Variants in DAAM1 observed in about 807,000 individuals in gnomAD.
DAAM1 encodes disheveled-associated activator of morphogenesis 1.
In DAAM1, 52 loss-of-function variants were observed where a neutral mutation model predicts 130.0. The ratio of observed to expected loss-of-function variants is 0.40; its 90% confidence interval spans 0.32 to 0.50. The LOEUF (loss-of-function observed/expected upper bound fraction) is 0.50. Among genes scored for constraint, DAAM1 ranks in the 20% least tolerant of loss-of-function variants. The pLI, the probability that DAAM1 is intolerant of heterozygous loss-of-function variation, is 0.61. For synonymous variants in DAAM1, 452 were observed against 444.5 expected (o/e 1.02, Z -0.21); for missense variants, 1,134 against 1,303.8 (o/e 0.87, Z 2.01).
At chr14:59,345,652 C>T (rs1424097294) in intron 16 of DAAM1, among the ~76,000 whole-genome samples, 5 of 152,182 alleles carry the variant, frequency 3.3e-5, no homozygotes, top group African/African-American at 1.2e-4. Flanking sequence ...GGCTTCTCTT[C>T]TTTGCTGCCT....
intron 1 of DAAM1, among the ~76,000 whole-genome samples, chr14:59,202,547 G>A (rs1004402954): frequency 2.0e-5 from 3 of 152,140 alleles, no homozygotes; most frequent in Non-Finnish European, 2.9e-5. Context: ...AGTGTTGAGC[G>A]TATACATTTC....
At position 59,286,559 on chromosome 14, in the gene DAAM1, G is replaced by T. The variant is rs183814104; in HGVS notation, c.184-4658G>T. Among the ~76,000 whole-genome samples, 28 of 152,132 alleles carry T rather than the reference G, an allele frequency of 1.8e-4. No homozygotes were observed. The East Asian group carries it at 5.0e-3, about 27-fold the overall frequency. On this transcript the variant is annotated intron_variant, in intron 2 of 24. Transcript: ENST00000360909. ...CTAGATTAATAAGGGAAAAAGCAGA[G>T]AAAATCTAAATAAACACAGTCAGAA...
rs1038082284 is a variant in DAAM1 at position 59,330,273 on chromosome 14, C to T, written c.1373-228C>T. ...TAGAACTGTGAGTGTAGGCTCTCTT[C>T]TTCAGTCTCTTACGTAGTTAATAAT... On this transcript the variant is annotated intron_variant, in intron 12 of 24. Transcript: ENST00000360909. Among the ~76,000 whole-genome samples the T allele has an allele frequency of 1.9e-4, 10 of 52,588 alleles. No homozygotes were observed. In the Admixed American group the frequency reaches 2.1e-3, roughly 11 times the overall value. The allele number at this position is 52,588 out of a possible 152,430, so 34.5% of individuals were successfully genotyped here.
chr14:59,189,139 G>T (rs974429327), intron 1 of DAAM1, among the ~76,000 whole-genome samples: 1 of 152,112 alleles, frequency 6.6e-6, no homozygotes, highest in African/African-American at 2.4e-5. Flanking sequence ...AAGGCTCCCC[G>T]GGGCTGGGGC....
chr14:59,295,518 A>G (rs527935193), intron 3 of DAAM1, among the ~76,000 whole-genome samples: 1 of 152,212 alleles, frequency 6.6e-6, no homozygotes, highest in Non-Finnish European at 1.5e-5. Context: ...CGTCCACCAC[A>G]CGTACAAAAA....
intron 1 of DAAM1, among the ~76,000 whole-genome samples, chr14:59,204,915 A>C (rs1010383902): frequency 1.3e-5 from 2 of 152,186 alleles, no homozygotes; most frequent in African/African-American, 4.8e-5. Flanking sequence ...ATGAATGGCA[A>C]CTCACAAATA....
chr14:59,349,248 G>T (rs1057025891), intron 17 of DAAM1, among the ~76,000 whole-genome samples: 4 of 152,202 alleles, frequency 2.6e-5, no homozygotes, highest in African/African-American at 9.7e-5. Flanking sequence ...AGCTCCTATT[G>T]ACAAGGTTGT....
chr14:59,323,834 T>C (rs8018931), intron 6 of DAAM1, among the ~76,000 whole-genome samples: 149,405 of 152,090 alleles, frequency 0.98, 73,432 homozygotes, highest in East Asian at 1. Context: ...AGATCGAGAC[T>C]GTCCTGGCTA....
chr14:59,230,319 C>T (rs1350072616), intron 1 of DAAM1, among the ~76,000 whole-genome samples: 42 of 140,626 alleles, frequency 3.0e-4, no homozygotes, highest in African/African-American at 5.0e-4. Context: ...TTTTTTTTTT[C>T]CCCCCACAAG....
intron 15 of DAAM1, chr14:59,338,397 A>G: frequency 6.2e-7 from 1 of 1,613,716 alleles, no homozygotes; most frequent in Non-Finnish European, 8.5e-7. Context: ...TTTCTTTGTG[A>G]ACAGTAACTC....
chr14:59,314,387 G>A (rs1566698616), intron 3 of DAAM1, among the ~76,000 whole-genome samples: 1 of 152,162 alleles, frequency 6.6e-6, no homozygotes, highest in Non-Finnish European at 1.5e-5. Flanking sequence ...TCACATAGAT[G>A]TGCAAATACG....
intron 1 of DAAM1, among the ~76,000 whole-genome samples, chr14:59,226,902 T>C (rs1888958775): frequency 6.6e-6 from 1 of 152,182 alleles, no homozygotes; most frequent in Admixed American, 6.5e-5. Flanking sequence ...TAGGTTGGCA[T>C]TGCCCAACTC....
At chr14:59,243,008 A>T (rs1881197319) in intron 1 of DAAM1, among the ~76,000 whole-genome samples, 1 of 152,168 alleles carries the variant, frequency 6.6e-6, no homozygotes, top group Admixed American at 6.5e-5. Flanking sequence ...ATATAATGTG[A>T]TGACAATAAG....
chr14:59,190,281 GA>G (rs1358433353), intron 1 of DAAM1, among the ~76,000 whole-genome samples: 1 of 152,034 alleles, frequency 6.6e-6, no homozygotes, highest in East Asian at 1.9e-4. Flanking sequence ...CTCTCTCCCT[GA>G]AACTAATTGT....
chr14:59,312,562 CAGTA>C (rs1884637621), intron 3 of DAAM1, among the ~76,000 whole-genome samples: 1 of 152,072 alleles, frequency 6.6e-6, no homozygotes, highest in Non-Finnish European at 1.5e-5. Context: ...ATGTCTACCT[CAGTA>C]AGAAGAAGAA....
intron 16 of DAAM1, among the ~76,000 whole-genome samples, chr14:59,341,034 T>C (rs1446103450): frequency 1.3e-5 from 2 of 152,192 alleles, no homozygotes; most frequent in Non-Finnish European, 2.9e-5. Flanking sequence ...GGGAAAGTAG[T>C]AGTCCTTATT....
At chr14:59,264,931 C>T (rs1882363682) in intron 2 of DAAM1, 3 of 152,180 alleles carry the variant, frequency 2.0e-5, no homozygotes, top group African/African-American at 7.2e-5. Flanking sequence ...GTTTGGTTTT[C>T]TGTTCATGCA....
rs754967275 is a variant in DAAM1, at chr14:59,347,668, TC to T, written c.2160+46del. ...TGAGAGCAGAAGTGAAAAGCGACCA[TC>T]AACAGGGAGAGGGATGTTGAGAACA... On this transcript the variant is annotated intron_variant, in intron 17 of 24. Transcript: ENST00000360909. The T allele has an allele frequency of 1.4e-5, 22 of 1,576,088 alleles. No homozygotes were observed. The Middle Eastern group carries it at 6.7e-4, about 48-fold the overall frequency.
chr14:59,322,031 C>T (rs1477658954), intron 5 of DAAM1, among the ~76,000 whole-genome samples: 1 of 152,034 alleles, frequency 6.6e-6, no homozygotes, highest in Non-Finnish European at 1.5e-5. Flanking sequence ...TTATTGTATT[C>T]AGTGTACATG....
Sources: gnomAD v4.1 joint callset for allele counts (sites outside exome capture counted in the v4.1 genomes callset) on GRCh38, gnomAD v4.1.1 for gene constraint, MANE v1.5 for transcripts, NCBI Gene and HGNC (gene_info 2026-07-23, HGNC 2026-07-21) for gene names.